Variants in GRIK1 observed in about 807,000 individuals in gnomAD.
GRIK1 encodes glutamate ionotropic receptor kainate type subunit 1, also known as glutamate receptor ionotropic, kainate 1.
A neutral mutation model predicts 105.7 loss-of-function variants in GRIK1; 69 were observed. That is an observed-to-expected ratio of 0.65 (90% CI 0.54 to 0.80). GRIK1 has a LOEUF of 0.80. Among genes scored for constraint, GRIK1 ranks in the 30% least tolerant of loss-of-function variants. The probability of loss-of-function intolerance (pLI) is 0.00; values close to 1 mark genes in which losing one functional copy is unlikely to be tolerated. For synonymous variants in GRIK1, 438 were observed against 431.3 expected, an observed-to-expected ratio of 1.02 and a Z score of -0.19; for missense variants, 1,109 against 1,167.3, an observed-to-expected ratio of 0.95 and a Z score of 0.73.
intron 1 of GRIK1, among the ~76,000 whole-genome samples, chr21:29,784,847 T>C (rs2066216519): frequency 6.6e-6 from 1 of 152,236 alleles, no homozygotes; most frequent in Admixed American, 6.5e-5. Flanking sequence ...AATGAATTAA[T>C]AAATAAATAC....
At chr21:29,820,791 T>C (rs1569129849) in intron 1 of GRIK1, among the ~76,000 whole-genome samples, 1 of 152,040 alleles carries the variant, frequency 6.6e-6, no homozygotes, top group Admixed American at 6.6e-5. Flanking sequence ...CATACGTTAA[T>C]TGATTTATTA....
intron 4 of GRIK1, among the ~76,000 whole-genome samples, chr21:29,667,822 A>G (rs1182808548): frequency 6.6e-6 from 1 of 152,204 alleles, no homozygotes; most frequent in Non-Finnish European, 1.5e-5. Flanking sequence ...TGCTCACTCA[A>G]TCCTACTATA....
At chr21:29,788,408 G>C (rs73897822) in intron 1 of GRIK1, among the ~76,000 whole-genome samples, 2,535 of 152,208 alleles carry the variant, frequency 0.017, 71 homozygotes, top group African/African-American at 0.056. Flanking sequence ...TAGAATCCTA[G>C]AATGGAACCT....
chr21:29,566,554 T>C (rs2090615018), intron 14 of GRIK1, among the ~76,000 whole-genome samples: 1 of 152,192 alleles, frequency 6.6e-6, no homozygotes, highest in South Asian at 2.1e-4. Context: ...TTGATGAACA[T>C]TATTTATTTC....
At chr21:29,683,066 A>G (rs1301787347) in intron 3 of GRIK1, among the ~76,000 whole-genome samples, 1 of 152,242 alleles carries the variant, frequency 6.6e-6, no homozygotes, top group Non-Finnish European at 1.5e-5. Flanking sequence ...AGAAATGCAG[A>G]TGAAAACTAC....
At chr21:29,727,400 G>A (rs535173000) in intron 1 of GRIK1, among the ~76,000 whole-genome samples, 1 of 152,206 alleles carries the variant, frequency 6.6e-6, no homozygotes, top group South Asian at 2.1e-4. Context: ...TGATATAATG[G>A]TACTGTATAT....
At chr21:29,659,259 A>C (rs2062914518) in intron 4 of GRIK1, among the ~76,000 whole-genome samples, 1 of 152,210 alleles carries the variant, frequency 6.6e-6, no homozygotes, top group African/African-American at 2.4e-5. Context: ...CAAGTCAAAT[A>C]ATTTTTCCCC....
intron 1 of GRIK1, among the ~76,000 whole-genome samples, chr21:29,856,942 C>A (rs556878468): frequency 6.6e-6 from 1 of 152,108 alleles, no homozygotes; most frequent in South Asian, 2.1e-4. Context: ...AGGAGCTCTG[C>A]ATTGATGGGA....
chr21:29,808,636 G>A (rs1004702920), intron 1 of GRIK1, among the ~76,000 whole-genome samples: 25 of 152,280 alleles, frequency 1.6e-4, no homozygotes, highest in African/African-American at 6.0e-4. Context: ...TTCAATGCCA[G>A]TGTTCCTCCT....
intron 1 of GRIK1, among the ~76,000 whole-genome samples, chr21:29,938,844 G>A (rs1408701457): frequency 8.8e-5 from 7 of 79,454 alleles, no homozygotes; most frequent in Non-Finnish European, 1.5e-4. Context: ...GACTCCATGT[G>A]GAAGAATCCA....
At chr21:29,779,365 C>CGT (rs1426211455) in intron 1 of GRIK1, among the ~76,000 whole-genome samples, 2 of 141,606 alleles carry the variant, frequency 1.4e-5, no homozygotes, top group Non-Finnish European at 3.1e-5. Context: ...TGTGTGTGCA[C>CGT]GTGTGTGTGT....
At chr21:29,651,432 T>A in intron 5 of GRIK1, 141 bp from the exon 6 acceptor site, 1 of 589,534 alleles carries the variant, frequency 1.7e-6, no homozygotes, top group Non-Finnish European at 2.9e-6. Flanking sequence ...TTCAGTTACC[T>A]GCGGTCAACC....
intron 1 of GRIK1, among the ~76,000 whole-genome samples, chr21:29,756,588 A>T (rs951188427): frequency 1.3e-5 from 2 of 152,064 alleles, no homozygotes; most frequent in Non-Finnish European, 1.5e-5. Context: ...CCCTGATCCC[A>T]CAAAAGAATA....
At chr21:29,639,125 T>A (rs1377037567) in intron 7 of GRIK1, among the ~76,000 whole-genome samples, 1 of 152,236 alleles carries the variant, frequency 6.6e-6, no homozygotes, top group East Asian at 1.9e-4. Flanking sequence ...CTCTGTCTTA[T>A]TGAATTGTTT....
chr21:29,858,029 T>C (rs1027656778), intron 1 of GRIK1, among the ~76,000 whole-genome samples: 1 of 152,026 alleles, frequency 6.6e-6, no homozygotes, highest in Non-Finnish European at 1.5e-5. Context: ...CCCCGCCGAG[T>C]AGCTGGGATT....
At chr21:29,563,791 A>T (rs746414713) in intron 14 of GRIK1, among the ~76,000 whole-genome samples, 6 of 152,182 alleles carry the variant, frequency 3.9e-5, no homozygotes, top group Non-Finnish European at 7.3e-5. Flanking sequence ...ATCGGCTCAT[A>T]CAAACTGCTA....
At chr21:29,645,274 G>A (rs374041969) in intron 6 of GRIK1, among the ~76,000 whole-genome samples, 9 of 151,884 alleles carry the variant, frequency 5.9e-5, no homozygotes, top group South Asian at 2.1e-4. Flanking sequence ...ATTCTAATTC[G>A]TGATGCAAAC....
At chr21:29,769,680 C>A (rs1326325019) in intron 1 of GRIK1, among the ~76,000 whole-genome samples, 1 of 152,072 alleles carries the variant, frequency 6.6e-6, no homozygotes, top group African/African-American at 2.4e-5. Context: ...AGGCCATGGA[C>A]CGGTACCGGT....
chr21:29,554,845 C>T (rs1309468563), intron 16 of GRIK1, among the ~76,000 whole-genome samples: 2 of 152,146 alleles, frequency 1.3e-5, no homozygotes, highest in Non-Finnish European at 2.9e-5. Context: ...AGTGTATAAG[C>T]CCCTTCCTTG....
Sources: allele counts gnomAD v4.1 joint callset (sites outside exome capture counted in the v4.1 genomes callset), GRCh38; gene constraint gnomAD v4.1.1; transcripts MANE v1.5; gene names NCBI Gene and HGNC (gene_info 2026-07-23, HGNC 2026-07-21).